The following POU6F1 variants were observed in gnomAD, a reference collection of about 807,000 sequenced individuals.
POU6F1 encodes the protein POU domain, class 6, transcription factor 1.
Under a neutral mutation model 28.9 loss-of-function variants are expected in POU6F1, and 9 were observed. That is an observed-to-expected ratio of 0.31 (90% CI 0.19 to 0.54). POU6F1 has a LOEUF of 0.54. Ranked by LOEUF, POU6F1 falls within the 20% of genes least tolerant of loss-of-function variation. The pLI, the probability that POU6F1 is intolerant of heterozygous loss-of-function variation, is 0.94. For synonymous variants in POU6F1, 173 were observed against 171.1 expected, an observed-to-expected ratio of 1.01 and a Z score of -0.09; for missense variants, 338 against 426.1, an observed-to-expected ratio of 0.79 and a Z score of 1.82.
chr12:51,212,116 C>T (rs543332058), intron 1 of POU6F1, among the ~76,000 whole-genome samples: 329 of 151,296 alleles, frequency 2.2e-3, no homozygotes, highest in Non-Finnish European at 3.9e-3. Context: ...TTGTTTGAGA[C>T]GGAGTCTGGC....
chr12:51,205,589 G>C (rs1009859217), intron 2 of POU6F1, among the ~76,000 whole-genome samples: 1 of 152,176 alleles, frequency 6.6e-6, no homozygotes, highest in Non-Finnish European at 1.5e-5. Context: ...TTTGTGTCAG[G>C]CCTCTGTGCA....
At position 51,199,456 on chromosome 12, in the gene POU6F1, T is replaced by C. The variant is rs1250476459; in HGVS notation, c.366+291A>G. On this transcript the variant is annotated intron_variant, in intron 4 of 10. Coordinates refer to ENST00000333640, the MANE Select transcript of POU6F1 (RefSeq NM_001330422.2). This position sits in a 1 kb window ranked among gnomAD's most constrained non-coding sequence, Gnocchi z 4.1. ...CCGGCAAGGGTATTCATTCATTTAG[T>C]CATTTGATAAACAGAAACTCTGGCT... 1.3e-5 allele frequency among the ~76,000 whole-genome samples: 2 copies of C among 152,172 alleles called. No individual in the cohort carries two copies. The highest frequency in any genetic ancestry group is 2.9e-5 in the Non-Finnish European group (2 of 68,026).
intron 3 of POU6F1, among the ~76,000 whole-genome samples, chr12:51,201,285 A>G (rs73307709): frequency 3.9e-5 from 6 of 152,362 alleles, no homozygotes; most frequent in African/African-American, 1.2e-4. Context: ...GGAATTCAAG[A>G]GACAAGCACA....
At chr12:51,204,031 G>A in intron 3 of POU6F1, 142 bp downstream of exon 3, 1 of 397,650 alleles carries the variant, frequency 2.5e-6, no homozygotes, top group Non-Finnish European at 4.4e-6. Context: ...CAGCTGACCA[G>A]AGGCACAGGC....
intron 6 of POU6F1, among the ~76,000 whole-genome samples, chr12:51,197,234 G>A (rs1942894983): frequency 6.6e-6 from 1 of 151,262 alleles, no homozygotes; most frequent in Non-Finnish European, 1.5e-5. Flanking sequence ...CCAGGGCTAG[G>A]GGTCTACCGG....
chr12:51,202,317 A>AATTTT lies in POU6F1; in HGVS notation c.244+1851_244+1855dup, dbSNP rs1263736012. The AATTTT allele has an allele frequency of 6.6e-5, 10 of 151,838 alleles. No individual in the cohort carries two copies. In the South Asian group the frequency reaches 1.3e-3, roughly 19 times the overall value. The allele number at this position is 151,838 out of a possible 1,614,324, so 9.4% of individuals were successfully genotyped here. A position where few individuals can be genotyped will look rare whatever the true frequency, so the allele number is the denominator to read the frequency against. On this transcript the variant is annotated intron_variant, in intron 3 of 10. Coordinates refer to ENST00000333640, the MANE Select transcript of POU6F1 (RefSeq NM_001330422.2). ...TAATAATTAATTTCCCTCCAAAGGG[A>AATTTT]ATTTTATTTTATTTTATTTTAATTT...
At chr12:51,212,776 C>CAAAAAAAAAAAA (rs1176606531) in intron 1 of POU6F1, among the ~76,000 whole-genome samples, 3 of 37,694 alleles carry the variant, frequency 8.0e-5, no homozygotes, top group Admixed American at 4.6e-4. Context: ...AACTCCGTCT[C>CAAAAAAAAAAAA]AAAAAAAAAA....
In POU6F1 at chr12:51,188,524, C is replaced by G. The variant is rs989399666; in HGVS notation, c.*1723G>C. Reference sequence around the variant, plus strand: ...TGTGCGCGCGTCTGTGCGCGCTGCACGTGCGTGTGCTAATTCAGCACACAA... The same window carrying G: ...TGTGCGCGCGTCTGTGCGCGCTGCAGGTGCGTGTGCTAATTCAGCACACAA... On this transcript the variant is annotated 3_prime_UTR_variant, in exon 11 of 11. Coordinates refer to ENST00000333640, the MANE Select transcript of POU6F1 (RefSeq NM_001330422.2). 6.6e-6 allele frequency: 1 copy of G among 152,296 alleles called. No homozygotes were observed. Among genetic ancestry groups the G allele is most frequent in the Admixed American group, 6.5e-5 (1 of 15,286 alleles). 9.4% of individuals were successfully genotyped at this position (152,296 alleles called of 1,614,324 possible).
Sources: allele counts gnomAD v4.1 joint callset (sites outside exome capture counted in the v4.1 genomes callset), GRCh38; gene constraint gnomAD v4.1.1; non-coding constraint Gnocchi (gnomAD v3.1); transcripts MANE v1.5; gene names NCBI Gene and HGNC (gene_info 2026-07-23, HGNC 2026-07-21).